Variants in TEAD3 observed in about 807,000 individuals in gnomAD.
TEAD3 encodes the protein TEA domain transcription factor 3, also known as transcriptional enhancer factor TEF-5.
TEAD3 carries 15 observed loss-of-function variants against 55.6 expected under a neutral mutation model. That is an observed-to-expected ratio of 0.27 (90% CI 0.18 to 0.42). The LOEUF (loss-of-function observed/expected upper bound fraction) is 0.42. TEAD3 is among the 10% of genes least tolerant of loss of function. The probability of loss-of-function intolerance (pLI) is 1.00; values close to 1 mark genes in which losing one functional copy is unlikely to be tolerated. For synonymous variants in TEAD3, 210 were observed against 232.2 expected, an observed-to-expected ratio of 0.90 and a Z score of 0.87; for missense variants, 407 against 576.8, an observed-to-expected ratio of 0.71 and a Z score of 3.01.
In TEAD3 at chr6:35,486,499, C is replaced by G; in HGVS notation, c.164G>C (p.Arg55Pro). Residue 55 changes from arginine to proline, a missense_variant, in exon 2 of 13, where the codon CGG becomes CCG. Arg to Pro is a moderately radical substitution (Grantham distance 103). Coordinates refer to ENST00000639578, the Ensembl canonical transcript of TEAD3. This position sits in a 1 kb window ranked among gnomAD's most constrained non-coding sequence, Gnocchi z 7.3. ...CTCGTCTGACAGGATGATCTTCCGC[C>G]GGCCGCAGGGCGGGTAGATGGCCAG... 2 of 1,613,436 alleles carry G rather than the reference C, an allele frequency of 1.2e-6. No individual in the cohort carries two copies. Among genetic ancestry groups the G allele is most frequent in the Non-Finnish European group, 8.5e-7 (1 of 1,179,716 alleles).
At position 35,493,814 on chromosome 6, in the gene TEAD3, G is replaced by A. The variant is rs117642602; in HGVS notation, c.-50+3084C>T. ...ACACACAGCATCGTGCGAGTGCGGT[G>A]TCCTTCACACGCAGGTCACTTGAGC... On this transcript the variant is annotated intron_variant, in intron 1 of 12. Coordinates refer to ENST00000639578, the Ensembl canonical transcript of TEAD3. Among the ~76,000 whole-genome samples the A allele has an allele frequency of 5.6e-4, 85 of 152,344 alleles. No individual in the cohort carries two copies. The East Asian group carries it at 0.012, about 21-fold the overall frequency.
In TEAD3 at chr6:35,486,451, C is replaced by G. The variant is rs1768383293; in HGVS notation, c.202+10G>C. 16 of 1,607,792 alleles carry G rather than the reference C, an allele frequency of 1.0e-5. No individual in the cohort carries two copies. The highest frequency in any genetic ancestry group is 3.3e-5 in the South Asian group (3 of 90,754). On this transcript the variant is annotated intron_variant, in intron 2 of 12. Coordinates refer to ENST00000639578, the Ensembl canonical transcript of TEAD3. This position sits in a 1 kb window ranked among gnomAD's most constrained non-coding sequence, Gnocchi z 7.3. ...GGGCCGCAGTCCCGCCCGCGCCCCC[C>G]GGCACGCACCGTACATCTTGCCCTC...
chr6:35,486,781 C>CA lies in TEAD3; in HGVS notation c.-49-71_-49-70insT. On this transcript the variant is annotated intron_variant, in intron 1 of 12. Transcript: ENST00000639578. The surrounding 1 kb of genome is among the most constrained non-coding windows in gnomAD (Gnocchi z 7.3). ...CCACAGCAATCTCCTATCCCACAGCCGCTGGCTCTGGAGCTCCGCCCCCAG... is the reference window on the plus strand; with the variant it reads ...CCACAGCAATCTCCTATCCCACAGCCAGCTGGCTCTGGAGCTCCGCCCCCAG... The CA allele has an allele frequency of 6.9e-6, 8 of 1,155,384 alleles. No homozygotes were observed. Among genetic ancestry groups the CA allele is most frequent in the African/African-American group, 1.5e-5 (1 of 65,370 alleles). 71.6% of individuals were successfully genotyped at this position (1,155,384 alleles called of 1,614,324 possible). A position where few individuals can be genotyped will look rare whatever the true frequency, so the allele number is the denominator to read the frequency against.
chr6:35,495,809 T>C (rs1581732250), intron 1 of TEAD3, among the ~76,000 whole-genome samples: 1 of 152,216 alleles, frequency 6.6e-6, no homozygotes, highest in South Asian at 2.1e-4. Flanking sequence ...CCAGCCCCTC[T>C]GAGCTGTGTC....
At chr6:35,476,918 G>A (rs1768160693) in intron 8 of TEAD3, among the ~76,000 whole-genome samples, 1 of 152,210 alleles carries the variant, frequency 6.6e-6, no homozygotes. Flanking sequence ...CACCCACTGG[G>A]TTTAAGTGAT....
rs1768371231 is a variant in TEAD3 at position 35,486,073 on chromosome 6, C to CGGGCT, written c.202+383_202+387dup. 6.6e-6 allele frequency among the ~76,000 whole-genome samples: 1 copy of CGGGCT among 152,210 alleles called. No homozygotes were observed. The highest frequency in any genetic ancestry group is 1.5e-5 in the Non-Finnish European group (1 of 68,038). On this transcript the variant is annotated intron_variant, in intron 2 of 12. Transcript: ENST00000639578. The surrounding 1 kb of genome is among the most constrained non-coding windows in gnomAD (Gnocchi z 7.3). ...ACAGCCCGCACTGGAGAGAACTATA[C>CGGGCT]GGGCTGTGGGAGTCACCGGGCGACT... is the stretch of plus-strand genomic sequence containing the variant.
chr6:35,496,230 C>T lies in TEAD3; in HGVS notation c.-50+668G>A, dbSNP rs1400674584. Among the ~76,000 whole-genome samples, 1 of 152,216 alleles carries T rather than the reference C, an allele frequency of 6.6e-6. No individual in the cohort carries two copies. The highest frequency in any genetic ancestry group is 1.5e-5 in the Non-Finnish European group (1 of 68,042). ...AAGAAAAGGCCCCAAATCCAGACCCCTCCGAGCCAAGCTCACAGCGCTCAG... is the reference window on the plus strand; with the variant it reads ...AAGAAAAGGCCCCAAATCCAGACCCTTCCGAGCCAAGCTCACAGCGCTCAG... On this transcript the variant is annotated intron_variant, in intron 1 of 12. Transcript: ENST00000639578. This position sits in a 1 kb window ranked among gnomAD's most constrained non-coding sequence, Gnocchi z 4.8.
rs1435801685 is a variant in TEAD3, at chr6:35,486,383, C to T, written c.202+78G>A. ...CCGGCCAGCGGCTGGCGGCCTCCGA[C>T]GTCACCAAACCGGTTGGGTGAGAGG... On this transcript the variant is annotated intron_variant, in intron 2 of 12. Transcript: ENST00000639578. This position sits in a 1 kb window ranked among gnomAD's most constrained non-coding sequence, Gnocchi z 7.3. The T allele has an allele frequency of 6.7e-6, 10 of 1,497,990 alleles. No individual in the cohort carries two copies. The highest frequency in any genetic ancestry group is 1.3e-5 in the South Asian group (1 of 77,224). The allele number at this position is 1,497,990 out of a possible 1,614,324, so 92.8% of individuals were successfully genotyped here. A position where few individuals can be genotyped will look rare whatever the true frequency, so the allele number is the denominator to read the frequency against.
chr6:35,474,275 A>G (rs1337530617), downstream of TEAD3: 1 of 152,758 alleles, frequency 6.5e-6, no homozygotes, highest in East Asian at 1.9e-4. Flanking sequence ...TCCCTTCTTC[A>G]TGCCCAGTCT....
intron 8 of TEAD3, among the ~76,000 whole-genome samples, chr6:35,476,853 A>G (rs1052582179): frequency 5.9e-5 from 9 of 151,826 alleles, no homozygotes; most frequent in South Asian, 2.1e-4. Flanking sequence ...ATGGAGTTTC[A>G]CTCTTGTTGC....
chr6:35,475,498 A>C lies in TEAD3; in HGVS notation c.1042-10T>G. On this transcript the variant is annotated splice_polypyrimidine_tract_variant and intron_variant, in intron 11 of 12. Coordinates refer to ENST00000639578, the Ensembl canonical transcript of TEAD3. The surrounding 1 kb of genome is among the most constrained non-coding windows in gnomAD (Gnocchi z 5.4). ...GCCTGGCATACTCAGTCTGCAGAGA[A>C]TATGGAGAAGGCGTCACTCGGCCTG... is the stretch of plus-strand genomic sequence containing the variant. 6.2e-7 allele frequency: 1 copy of C among 1,609,656 alleles called. No homozygotes were observed. The highest frequency in any genetic ancestry group is 1.1e-5 in the South Asian group (1 of 90,944).
At chr6:35,494,285 G>GA (rs1351192841) in intron 1 of TEAD3, among the ~76,000 whole-genome samples, 1 of 152,214 alleles carries the variant, frequency 6.6e-6, no homozygotes, top group Non-Finnish European at 1.5e-5. Context: ...GGCACTCTAG[G>GA]AAACCCCAAG....
At position 35,488,709 on chromosome 6, in the gene TEAD3, C is replaced by A. The variant is rs1342270569; in HGVS notation, c.-49-1998G>T. On this transcript the variant is annotated intron_variant, in intron 1 of 12. Coordinates refer to ENST00000639578, the Ensembl canonical transcript of TEAD3. The surrounding 1 kb of genome is among the most constrained non-coding windows in gnomAD (Gnocchi z 4.2). ...AGCCAGTTATTCGGTTATTTTTTTT[C>A]TTTTTTAAATTTTTTATTTGTTTTT... Among the ~76,000 whole-genome samples the A allele has an allele frequency of 6.6e-6, 1 of 151,928 alleles. No individual in the cohort carries two copies. Among genetic ancestry groups the A allele is most frequent in the Non-Finnish European group, 1.5e-5 (1 of 67,944 alleles).
chr6:35,487,768 C>A (rs543109681), intron 1 of TEAD3, among the ~76,000 whole-genome samples: 11 of 151,948 alleles, frequency 7.2e-5, no homozygotes, highest in South Asian at 2.1e-4. Context: ...ACAACAACAA[C>A]AAAAAACACT....
At chr6:35,482,765 A>T (rs1369336393) in intron 3 of TEAD3, among the ~76,000 whole-genome samples, 1 of 152,038 alleles carries the variant, frequency 6.6e-6, no homozygotes, top group Non-Finnish European at 1.5e-5. Context: ...TATAAAACTT[A>T]AAAAAACCAA....
At chr6:35,492,975 TCA>T (rs1018358942) in intron 1 of TEAD3, among the ~76,000 whole-genome samples, 2 of 152,114 alleles carry the variant, frequency 1.3e-5, no homozygotes, top group African/African-American at 4.8e-5. Flanking sequence ...TTCTCAGTTC[TCA>T]GTTACCATGC....
intron 3 of TEAD3, 26 bp downstream of exon 4, chr6:35,480,286 A>C (rs1198360420): frequency 2.5e-6 from 4 of 1,611,594 alleles, no homozygotes; most frequent in Non-Finnish European, 3.4e-6. Flanking sequence ...GGAGGGCTGA[A>C]GGCCCCCGCC....
At position 35,476,283 on chromosome 6, in the gene TEAD3, T is replaced by TCACCCC; in HGVS notation, c.726+13_726+18dup. 6.2e-7 allele frequency: 1 copy of TCACCCC among 1,609,894 alleles called. No individual in the cohort carries two copies. The highest frequency in any genetic ancestry group is 8.5e-7 in the Non-Finnish European group (1 of 1,178,908). On this transcript the variant is annotated intron_variant, in intron 9 of 12. Transcript: ENST00000639578. ...TCCACAATTGTGCAAAGCCTCACCC[T>TCACCCC]CACCCCCAAACACGTTACCGTGTCA... is the stretch of plus-strand genomic sequence containing the variant.
Position 35,475,221 on chromosome 6 carries a change from T to G in TEAD3, c.1195-64A>C. 1.3e-6 allele frequency: 2 copies of G among 1,579,610 alleles called. No individual in the cohort carries two copies. The highest frequency in any genetic ancestry group is 8.6e-7 in the Non-Finnish European group (1 of 1,161,304). On this transcript the variant is annotated intron_variant, in intron 12 of 12. Coordinates refer to ENST00000639578, the Ensembl canonical transcript of TEAD3. The surrounding 1 kb of genome is among the most constrained non-coding windows in gnomAD (Gnocchi z 5.4). Reference sequence around the variant, plus strand: ...AGAAAAGGGCCACGGGGCAGGGGGCTGAACAGACCATTCTCCTTTCCGGAT... The same window carrying G: ...AGAAAAGGGCCACGGGGCAGGGGGCGGAACAGACCATTCTCCTTTCCGGAT...
Sources: allele counts gnomAD v4.1 joint callset (sites outside exome capture counted in the v4.1 genomes callset), GRCh38; gene constraint gnomAD v4.1.1; non-coding constraint Gnocchi (gnomAD v3.1); transcripts MANE v1.5; gene names NCBI Gene and HGNC (gene_info 2026-07-23, HGNC 2026-07-21).